INPP4B: variants seen among roughly 807,000 people sequenced by gnomAD.
INPP4B encodes the protein inositol polyphosphate-4-phosphatase type II B.
INPP4B carries 55 observed loss-of-function variants against 122.5 expected under a neutral mutation model. That is an observed-to-expected ratio of 0.45 (90% CI 0.36 to 0.56). INPP4B has a LOEUF of 0.56. INPP4B is among the 20% of genes least tolerant of loss of function. The pLI, the probability that INPP4B is intolerant of heterozygous loss-of-function variation, is 0.00. For missense variants in INPP4B, 1,000 were observed against 1,097.7 expected (o/e 0.91, Z 1.26); for synonymous variants, 403 against 388.7 (o/e 1.04, Z -0.43).
chr4:142,171,449 A>T (rs1429935410), intron 16 of INPP4B, among the ~76,000 whole-genome samples: 1 of 151,916 alleles, frequency 6.6e-6, no homozygotes. Context: ...TCCATAGTAT[A>T]CAACAAGCCC....
intron 25 of INPP4B, among the ~76,000 whole-genome samples, chr4:142,045,929 AAT>A (rs990959203): frequency 4.6e-5 from 7 of 152,206 alleles, no homozygotes; most frequent in African/African-American, 1.4e-4. Flanking sequence ...CCTGAGGAAA[AAT>A]ATGAGTGCAA....
chr4:142,209,659 G>A (rs1844035048), intron 12 of INPP4B, among the ~76,000 whole-genome samples: 2 of 151,698 alleles, frequency 1.3e-5, no homozygotes, highest in South Asian at 4.2e-4. Flanking sequence ...CAGGTGTGGT[G>A]GTGCGTGCCT....
At position 142,195,335 on chromosome 4, in the gene INPP4B, A is replaced by G. The variant is rs140092619; in HGVS notation, c.1073-2140T>C. On this transcript the variant is annotated intron_variant, in intron 14 of 25. Coordinates refer to ENST00000262992, the MANE Select transcript of INPP4B (RefSeq NM_001101669.3). ...AGGCATAAAGTTTTAGTTATGCAAA[A>G]TAAGTTCCAGAGATATGCTGTATAA... Among the ~76,000 whole-genome samples, 429 of 152,320 alleles carry G rather than the reference A, an allele frequency of 2.8e-3. 2 individuals are homozygous for G. The highest frequency in any genetic ancestry group is 9.5e-3 in the African/African-American group (396 of 41,576).
chr4:142,149,860 T>A (rs535141766), intron 17 of INPP4B, among the ~76,000 whole-genome samples: 1 of 152,142 alleles, frequency 6.6e-6, no homozygotes, highest in Non-Finnish European at 1.5e-5. Context: ...AGGCCCCAGA[T>A]CCATTCATGT....
At chr4:142,692,154 G>A (rs541227054) in intron 2 of INPP4B, among the ~76,000 whole-genome samples, 15 of 152,140 alleles carry the variant, frequency 9.9e-5, no homozygotes, top group African/African-American at 3.6e-4. Context: ...GCCCTCTGAA[G>A]TTTCACTGAA....
intron 2 of INPP4B, among the ~76,000 whole-genome samples, chr4:142,659,128 G>A (rs915902502): frequency 5.3e-5 from 8 of 151,994 alleles, no homozygotes; most frequent in South Asian, 4.2e-4. Flanking sequence ...GGCAGGGCAC[G>A]GAGGTTCACA....
chr4:142,146,019 T>C (rs1344626870), intron 17 of INPP4B, 23 bp from the exon 18 acceptor site: 3 of 1,588,522 alleles, frequency 1.9e-6, no homozygotes, highest in Non-Finnish European at 2.6e-6. Flanking sequence ...TGAGTATCAC[T>C]ACATATTTTT....
intron 1 of INPP4B, among the ~76,000 whole-genome samples, chr4:142,733,413 A>C (rs1173111418): frequency 6.6e-6 from 1 of 152,182 alleles, no homozygotes; most frequent in Non-Finnish European, 1.5e-5. Flanking sequence ...ATATACAATA[A>C]ACTTTCATAA....
intron 3 of INPP4B, among the ~76,000 whole-genome samples, chr4:142,441,130 C>T (rs1240541777): frequency 6.6e-6 from 1 of 152,114 alleles, no homozygotes; most frequent in East Asian, 1.9e-4. Context: ...AAGAGAGTGA[C>T]ATGATCATAC....
Position 142,318,636 on chromosome 4 carries a change from T to G in INPP4B, c.373-3874A>C, listed in dbSNP as rs535309847. Among the ~76,000 whole-genome samples, 3 of 152,266 alleles carry G rather than the reference T, an allele frequency of 2.0e-5. No homozygotes were observed. The South Asian group carries it at 6.2e-4, about 32-fold the overall frequency. ...CTTCCTTTTGTCTAGACTTTTATGA[T>G]GTCAAATAAAGCAAGGCAGACCAAT... is the stretch of plus-strand genomic sequence containing the variant. On this transcript the variant is annotated intron_variant, in intron 7 of 25. Coordinates refer to ENST00000262992, the MANE Select transcript of INPP4B (RefSeq NM_001101669.3).
At chr4:142,451,158 T>A (rs1167685167) in intron 3 of INPP4B, among the ~76,000 whole-genome samples, 1 of 152,032 alleles carries the variant, frequency 6.6e-6, no homozygotes, top group Non-Finnish European at 1.5e-5. Context: ...CAAATATACT[T>A]TCTGTGGACA....
chr4:142,802,418 T>C (rs7667183), intron 1 of INPP4B, among the ~76,000 whole-genome samples: 51,997 of 151,976 alleles, frequency 0.34, 9,092 homozygotes, highest in South Asian at 0.43. Flanking sequence ...ATTTTGGTGC[T>C]ATATTGTGAG....
At chr4:142,100,736 G>A (rs1417868477) in intron 23 of INPP4B, among the ~76,000 whole-genome samples, 2 of 152,118 alleles carry the variant, frequency 1.3e-5, no homozygotes, top group East Asian at 1.9e-4. Context: ...ATGATGCAGA[G>A]AGAAAAGAGA....
At chr4:142,144,869 G>A (rs979737020) in intron 18 of INPP4B, among the ~76,000 whole-genome samples, 15 of 151,844 alleles carry the variant, frequency 9.9e-5, no homozygotes, top group African/African-American at 3.6e-4. Context: ...AACAAATTGA[G>A]GAAACATAAA....
At chr4:142,255,223 AC>A in intron 11 of INPP4B, among the ~76,000 whole-genome samples, 1 of 152,246 alleles carries the variant, frequency 6.6e-6, no homozygotes, top group Middle Eastern at 3.4e-3. Context: ...ATGGAAAGGA[AC>A]AACCGGTACC....
chr4:142,619,859 C>G (rs1205592313), intron 2 of INPP4B, among the ~76,000 whole-genome samples: 1 of 151,910 alleles, frequency 6.6e-6, no homozygotes, highest in African/African-American at 2.4e-5. Flanking sequence ...AAGAGAGATA[C>G]GTTTATTTTG....
intron 7 of INPP4B, among the ~76,000 whole-genome samples, chr4:142,350,303 G>A (rs773578687): frequency 6.6e-6 from 1 of 151,928 alleles, no homozygotes; most frequent in Non-Finnish European, 1.5e-5. Context: ...AATAATTGCT[G>A]TCCATGTTGC....
chr4:142,036,110 G>A (rs1254020126), intron 25 of INPP4B, among the ~76,000 whole-genome samples: 1 of 151,928 alleles, frequency 6.6e-6, no homozygotes, highest in Non-Finnish European at 1.5e-5. Context: ...TTATGTCCGT[G>A]GGTGCTAAAT....
At chr4:142,580,866 C>T (rs940295406) in intron 2 of INPP4B, among the ~76,000 whole-genome samples, 4 of 152,026 alleles carry the variant, frequency 2.6e-5, no homozygotes, top group African/African-American at 9.7e-5. Context: ...TGTTTCATAA[C>T]TCAACAGGCT....
Sources: allele counts gnomAD v4.1 joint callset (sites outside exome capture counted in the v4.1 genomes callset), GRCh38; gene constraint gnomAD v4.1.1; transcripts MANE v1.5; gene names NCBI Gene and HGNC (gene_info 2026-07-23, HGNC 2026-07-21).